The following LARGE1 variants were observed in gnomAD, a reference collection of about 807,000 sequenced individuals.
The protein encoded by LARGE1 is xylosyl- and glucuronyltransferase LARGE1.
A neutral mutation model predicts 87.6 loss-of-function variants in LARGE1; 43 were observed. The ratio of observed to expected loss-of-function variants is 0.49; its 90% CI spans 0.38 to 0.63. The LOEUF (loss-of-function observed/expected upper bound fraction) is 0.63. Ranked by LOEUF, LARGE1 falls within the 30% of genes least tolerant of loss-of-function variation. LARGE1 has a pLI of 0.00. For missense variants in LARGE1, 802 were observed against 1,000.2 expected (o/e 0.80, Z 2.67); for synonymous variants, 434 against 394.6 (o/e 1.10, Z -1.18).
intron 11 of LARGE1, among the ~76,000 whole-genome samples, chr22:33,262,051 G>C (rs1245938328): frequency 6.6e-6 from 1 of 152,208 alleles, no homozygotes; most frequent in African/African-American, 2.4e-5. Flanking sequence ...GGGGTGTTTG[G>C]AGTTGACAAA....
At chr22:33,193,516 A>G (rs1449508364) in intron 11 of LARGE1, among the ~76,000 whole-genome samples, 2 of 152,228 alleles carry the variant, frequency 1.3e-5, no homozygotes, top group East Asian at 1.9e-4. Context: ...TCTGGTTAAC[A>G]TAATATGGAT....
intron 1 of LARGE1, among the ~76,000 whole-genome samples, chr22:33,895,303 G>C (rs79143023): frequency 2.3e-4 from 35 of 152,192 alleles, no homozygotes; most frequent in African/African-American, 7.2e-4. Flanking sequence ...GGTGACCAGA[G>C]TAGAAAACTA....
At chr22:33,617,321 A>C (rs1416364640) in intron 4 of LARGE1, among the ~76,000 whole-genome samples, 1 of 152,238 alleles carries the variant, frequency 6.6e-6, no homozygotes, top group Non-Finnish European at 1.5e-5. Context: ...GGTAAGAAAT[A>C]GTTTTAATGA....
chr22:33,304,190 G>C, intron 12 of LARGE1, 39 bp downstream of exon 12: 1 of 1,611,192 alleles, frequency 6.2e-7, no homozygotes, highest in Non-Finnish European at 8.5e-7. Flanking sequence ...GGCCCTATGT[G>C]CCTTCTGGCC....
chr22:33,843,593 C>T (rs1386558491), intron 1 of LARGE1, among the ~76,000 whole-genome samples: 1 of 151,988 alleles, frequency 6.6e-6, no homozygotes, highest in South Asian at 2.1e-4. Flanking sequence ...AGTCCCACCA[C>T]CATCCTCTCC....
At chr22:33,396,273 T>C (rs2065736698) in intron 7 of LARGE1, among the ~76,000 whole-genome samples, 1 of 152,222 alleles carries the variant, frequency 6.6e-6, no homozygotes, top group African/African-American at 2.4e-5. Context: ...AGTTCTCTTC[T>C]TATTCATAAT....
intron 6 of LARGE1, among the ~76,000 whole-genome samples, chr22:33,487,470 T>C (rs536859513): frequency 6.6e-6 from 1 of 152,282 alleles, no homozygotes; most frequent in South Asian, 2.1e-4. Context: ...CTCCTCTGCT[T>C]GCTTTTCTGG....
intron 12 of LARGE1, among the ~76,000 whole-genome samples, chr22:33,290,548 A>G (rs1300252979): frequency 6.6e-6 from 1 of 152,228 alleles, no homozygotes; most frequent in Non-Finnish European, 1.5e-5. Flanking sequence ...ATGAGCACCT[A>G]AAAGCCAGGA....
At chr22:33,656,215 C>G (rs113133651) in intron 2 of LARGE1, among the ~76,000 whole-genome samples, 4,159 of 152,228 alleles carry the variant, frequency 0.027, 184 homozygotes, top group African/African-American at 0.087. Context: ...AATGGACTCA[C>G]AGTTCCTCAT....
chr22:33,375,311 G>A (rs1156386695), intron 9 of LARGE1, among the ~76,000 whole-genome samples: 4 of 152,132 alleles, frequency 2.6e-5, no homozygotes, highest in Admixed American at 2.6e-4. Context: ...AAAGTTTGGA[G>A]AGATTTTGTG....
intron 2 of LARGE1, among the ~76,000 whole-genome samples, chr22:33,703,064 C>T (rs2082446293): frequency 6.6e-6 from 1 of 152,074 alleles, no homozygotes; most frequent in African/African-American, 2.4e-5. Flanking sequence ...AGCTGAAAAC[C>T]ATCAACCTCA....
At chr22:33,824,833 C>T (rs1402872617) in intron 1 of LARGE1, among the ~76,000 whole-genome samples, 2 of 152,316 alleles carry the variant, frequency 1.3e-5, no homozygotes, top group Non-Finnish European at 2.9e-5. Flanking sequence ...GATATGGCTT[C>T]AATAAATGTC....
At chr22:33,694,978 TC>T (rs951122769) in intron 2 of LARGE1, among the ~76,000 whole-genome samples, 36 of 152,272 alleles carry the variant, frequency 2.4e-4, no homozygotes, top group African/African-American at 8.4e-4. Flanking sequence ...CCAGGCTGCA[TC>T]CCCAATCCCA....
chr22:33,487,520 C>G, intron 6 of LARGE1, among the ~76,000 whole-genome samples: 1 of 152,134 alleles, frequency 6.6e-6, no homozygotes. Flanking sequence ...GAGAGCCCTT[C>G]AGTTGTAAAG....
At chr22:33,558,976 A>G (rs2148746935) in intron 6 of LARGE1, among the ~76,000 whole-genome samples, 1 of 152,242 alleles carries the variant, frequency 6.6e-6, no homozygotes, top group South Asian at 2.1e-4. Context: ...TCTCACAAAG[A>G]CCCCGTTAGC....
the LARGE1 span, among the ~76,000 whole-genome samples, chr22:33,077,042 C>T: frequency 6.6e-6 from 1 of 152,100 alleles, no homozygotes; most frequent in Non-Finnish European, 1.5e-5. Flanking sequence ...AAGACTATCT[C>T]AAAAGGTTGC....
chr22:33,317,416 C>T (rs1328290065), intron 10 of LARGE1, among the ~76,000 whole-genome samples: 1 of 152,168 alleles, frequency 6.6e-6, no homozygotes, highest in African/African-American at 2.4e-5. Flanking sequence ...AGCACGTTAA[C>T]AAAACAGAAA....
chr22:33,241,580 A>G (rs1055150055), intron 11 of LARGE1, among the ~76,000 whole-genome samples: 5 of 151,804 alleles, frequency 3.3e-5, no homozygotes, highest in African/African-American at 9.7e-5. Flanking sequence ...ATATGTGTGT[A>G]TATGTGTGTG....
At chr22:33,635,233 C>T (rs1214942404) in intron 3 of LARGE1, among the ~76,000 whole-genome samples, 1 of 152,036 alleles carries the variant, frequency 6.6e-6, no homozygotes, top group Admixed American at 6.5e-5. Flanking sequence ...TACAGGGGAT[C>T]GAGGCCCTTT....
Sources: allele counts gnomAD v4.1 joint callset (sites outside exome capture counted in the v4.1 genomes callset), GRCh38; gene constraint gnomAD v4.1.1; transcripts MANE v1.5; gene names NCBI Gene and HGNC (gene_info 2026-07-23, HGNC 2026-07-21).